MVB12B: variants seen among roughly 807,000 people sequenced by gnomAD.
MVB12B encodes the protein multivesicular body subunit 12B.
In MVB12B, 16 loss-of-function variants were observed where a neutral mutation model predicts 41.6. The ratio of observed to expected loss-of-function variants is 0.38; its 90% confidence interval spans 0.26 to 0.58. The LOEUF (loss-of-function observed/expected upper bound fraction) is 0.58, where lower values mean the gene tolerates loss of function less well. MVB12B is among the 20% of genes least tolerant of loss of function. The pLI is 0.62. For missense variants in MVB12B, 274 were observed against 380.2 expected (o/e 0.72, Z 2.32); for synonymous variants, 133 against 139.7 (o/e 0.95, Z 0.34).
intron 1 of MVB12B, among the ~76,000 whole-genome samples, chr9:126,337,346 A>G (rs1156306954): frequency 6.6e-6 from 1 of 152,128 alleles, no homozygotes; most frequent in East Asian, 1.9e-4. Context: ...GCTCATTTTT[A>G]TTGTTGTAAA....
chr9:126,406,601 C>A (rs911631587), intron 6 of MVB12B, among the ~76,000 whole-genome samples: 1 of 152,142 alleles, frequency 6.6e-6, no homozygotes, highest in Non-Finnish European at 1.5e-5. Context: ...GTAAGGTCAG[C>A]GAGGTTTAGA....
chr9:126,419,744 CCAGACCTGGCCAGTCTTCA>C (rs1258213353), intron 6 of MVB12B, among the ~76,000 whole-genome samples: 1 of 152,138 alleles, frequency 6.6e-6, no homozygotes, highest in Non-Finnish European at 1.5e-5. Context: ...GCCAGTCTTC[CCAGACCTGGCCAGTCTTCA>C]GATTCACCGC....
chr9:126,349,790 G>A (rs1230062139), intron 2 of MVB12B, among the ~76,000 whole-genome samples: 3 of 152,172 alleles, frequency 2.0e-5, no homozygotes, highest in Non-Finnish European at 4.4e-5. Flanking sequence ...TCATTCTGGA[G>A]CCATTATGAA....
At position 126,340,867 on chromosome 9, in the gene MVB12B, G is replaced by C. The variant is rs933254939; in HGVS notation, c.204+237G>C. On this transcript the variant is annotated intron_variant, in intron 2 of 9. Coordinates refer to ENST00000361171, the MANE Select transcript of MVB12B (RefSeq NM_033446.3). The surrounding 1 kb of genome is among the most constrained non-coding windows in gnomAD (Gnocchi z 4.0). The stretch of plus-strand genomic sequence containing the variant: ...CATTTTCACCTTCTGTAAAATTAAG[G>C]AGTTAGATTCATTGATTTTCAACTT... 2.0e-5 allele frequency among the ~76,000 whole-genome samples: 3 copies of C among 152,160 alleles called. No individual in the cohort carries two copies. Among genetic ancestry groups the C allele is most frequent in the African/African-American group, 7.2e-5 (3 of 41,430 alleles).
intron 7 of MVB12B, among the ~76,000 whole-genome samples, chr9:126,461,828 G>A (rs1012021620): frequency 6.6e-4 from 92 of 138,528 alleles, no homozygotes; most frequent in African/African-American, 2.2e-3. Flanking sequence ...GCTGGCCAGC[G>A]CTGGGAGGGG....
At chr9:126,369,164 T>C (rs139956278) in intron 2 of MVB12B, among the ~76,000 whole-genome samples, 3 of 152,344 alleles carry the variant, frequency 2.0e-5, no homozygotes, top group Non-Finnish European at 2.9e-5. Flanking sequence ...GATGAACATT[T>C]TGAAAAAATT....
At chr9:126,379,219 G>A (rs1830569461) in intron 2 of MVB12B, among the ~76,000 whole-genome samples, 1 of 152,196 alleles carries the variant, frequency 6.6e-6, no homozygotes, top group African/African-American at 2.4e-5. Flanking sequence ...TAGTGATTCT[G>A]AAATTGGGAT....
intron 1 of MVB12B, chr9:126,335,450 G>A: frequency 2.3e-6 from 3 of 1,281,080 alleles, no homozygotes; most frequent in Non-Finnish European, 3.1e-6. Flanking sequence ...CTGGGTTTGT[G>A]TGTGTGGTGT....
At chr9:126,465,650 G>A (rs1378211431) in intron 7 of MVB12B, among the ~76,000 whole-genome samples, 1 of 127,822 alleles carries the variant, frequency 7.8e-6, no homozygotes, top group East Asian at 2.8e-4. Context: ...TTAAATGCAC[G>A]AGTGGCCTCC....
chr9:126,345,897 CTCAT>C (rs1829573628), intron 2 of MVB12B, among the ~76,000 whole-genome samples: 1 of 152,192 alleles, frequency 6.6e-6, no homozygotes, highest in African/African-American at 2.4e-5. Flanking sequence ...CTGACCATTA[CTCAT>C]TCATTTATTT....
Position 126,503,238 on chromosome 9 carries a change from G to C in MVB12B, c.935G>C (p.Arg312Thr). 6.4e-7 allele frequency: 1 copy of C among 1,550,426 alleles called. No individual in the cohort carries two copies. Residue 312 changes from arginine to threonine, a missense_variant, in exon 10 of 10, where the codon AGG (arginine) becomes ACG (threonine). Coordinates refer to ENST00000361171, the MANE Select transcript of MVB12B (RefSeq NM_033446.3). ...AAARLPPSPT[R>T]CQQIPQS is the part of the protein sequence containing the mutation. ...GCCAGGCTCCCGCCCAGCCCCACCAGGTGTCAGCAGATCCCGCAGTCCTGA... is the reference window on the plus strand; with the variant it reads ...GCCAGGCTCCCGCCCAGCCCCACCACGTGTCAGCAGATCCCGCAGTCCTGA...
chr9:126,393,383 A>G (rs1333333804), intron 5 of MVB12B, among the ~76,000 whole-genome samples: 1 of 152,178 alleles, frequency 6.6e-6, no homozygotes, highest in Non-Finnish European at 1.5e-5. Flanking sequence ...CAGTAGCTCC[A>G]CCTGCTTTTC....
chr9:126,332,515 A>G, intron 1 of MVB12B, among the ~76,000 whole-genome samples: 1 of 152,056 alleles, frequency 6.6e-6, no homozygotes, highest in East Asian at 1.9e-4. Context: ...ACTGAGTTAG[A>G]TCTAAATCTG....
chr9:126,335,139 T>G, intron 1 of MVB12B: 1 of 851,958 alleles, frequency 1.2e-6, no homozygotes, highest in Non-Finnish European at 1.5e-6. Context: ...ATATTTGCCT[T>G]AGTTGCCCAA....
rs759132487 is a variant in MVB12B, at chr9:126,484,044, A to G, written c.873+12A>G. Reference sequence around the variant, plus strand: ...AAATCGAAAAAGAGGTAAGCAAGCCATCAGGGGAGGGGAGGGCAGGCCTGG... The same window carrying G: ...AAATCGAAAAAGAGGTAAGCAAGCCGTCAGGGGAGGGGAGGGCAGGCCTGG... On this transcript the variant is annotated intron_variant, in intron 9 of 9. Coordinates refer to ENST00000361171, the MANE Select transcript of MVB12B (RefSeq NM_033446.3). The G allele has an allele frequency of 5.0e-6, 8 of 1,613,832 alleles. No individual in the cohort carries two copies. Among genetic ancestry groups the G allele is most frequent in the South Asian group, 4.4e-5 (4 of 91,082 alleles).
chr9:126,451,133 A>G (rs1012071756), intron 7 of MVB12B, among the ~76,000 whole-genome samples: 1 of 152,190 alleles, frequency 6.6e-6, no homozygotes, highest in African/African-American at 2.4e-5. Flanking sequence ...GAGGCTTGGC[A>G]GGCTGAGTAT....
At chr9:126,433,710 A>G (rs879887476) in intron 7 of MVB12B, among the ~76,000 whole-genome samples, 2 of 152,068 alleles carry the variant, frequency 1.3e-5, no homozygotes, top group Non-Finnish European at 2.9e-5. Flanking sequence ...TTACTGAGCC[A>G]TTGCAGCCCG....
At chr9:126,476,876 C>CAAAAAAAA (rs35160593) in intron 7 of MVB12B, among the ~76,000 whole-genome samples, 1 of 63,812 alleles carries the variant, frequency 1.6e-5, no homozygotes, top group Non-Finnish European at 3.0e-5. Context: ...GACTCCATCT[C>CAAAAAAAA]AAAAAAAAAA....
intron 2 of MVB12B, among the ~76,000 whole-genome samples, chr9:126,358,182 C>T (rs960871795): frequency 6.6e-6 from 1 of 152,134 alleles, no homozygotes; most frequent in Non-Finnish European, 1.5e-5. Context: ...TATAAGTCTG[C>T]CTGTATGCCA....
Sources: allele counts gnomAD v4.1 joint callset (sites outside exome capture counted in the v4.1 genomes callset), GRCh38; gene constraint gnomAD v4.1.1; non-coding constraint Gnocchi (gnomAD v3.1); transcripts MANE v1.5; gene names NCBI Gene and HGNC (gene_info 2026-07-23, HGNC 2026-07-21).